Variants in EML6 observed in about 807,000 individuals in gnomAD.
The protein encoded by EML6 is EMAP like 6.
In EML6, 154 loss-of-function variants were observed where a neutral mutation model predicts 240.1. The ratio of observed to expected loss-of-function variants is 0.64; its 90% CI spans 0.56 to 0.73. EML6 has a LOEUF of 0.73. EML6 is among the 30% of genes least tolerant of loss of function. The pLI is 0.00. For missense variants in EML6, 2,964 were observed against 2,474.6 expected (o/e 1.20, Z -4.20); for synonymous variants, 1,148 against 899.0 (o/e 1.28, Z -4.95).
At chr2:54,827,957 TATTA>T (rs965180689) in intron 6 of EML6, among the ~76,000 whole-genome samples, 19 of 152,328 alleles carry the variant, frequency 1.2e-4, no homozygotes, top group African/African-American at 4.3e-4. Context: ...TCACCTTAAC[TATTA>T]ATTGCTTGAT....
chr2:54,841,932 G>C (rs1030180702), intron 7 of EML6, among the ~76,000 whole-genome samples: 1 of 151,812 alleles, frequency 6.6e-6, no homozygotes, highest in Non-Finnish European at 1.5e-5. Context: ...GGACAGTTTA[G>C]GTTCAGAACA....
Position 54,895,319 on chromosome 2 carries a change from A to T in EML6, c.2901A>T (p.Gly967=). The change falls in exon 21 of 42, where the codon GGA becomes GGT. Residue 967 remains glycine (G), a synonymous_variant. Coordinates refer to ENST00000356458, the MANE Select transcript of EML6 (RefSeq NM_001039753.4). ...CTTCAATTCGTGCCATCACTTTGGG[A>T]CATGGACATATCCTGGTGGGAACAA... ...DNPSIRAITL[G]HGHILVGTKN... is the part of the protein sequence containing the mutation. The T allele has an allele frequency of 1.3e-6, 2 of 1,551,922 alleles. No homozygotes were observed. Among genetic ancestry groups the T allele is most frequent in the African/African-American group, 1.4e-5 (1 of 73,158 alleles).
At chr2:54,806,570 G>A (rs886707912) in intron 2 of EML6, among the ~76,000 whole-genome samples, 10 of 126,314 alleles carry the variant, frequency 7.9e-5, no homozygotes, top group Non-Finnish European at 1.1e-4. Context: ...CTGAGATCAC[G>A]CCCTTGCACT....
intron 24 of EML6, among the ~76,000 whole-genome samples, chr2:54,904,578 T>C (rs1673220443): frequency 6.6e-6 from 1 of 152,016 alleles, no homozygotes; most frequent in East Asian, 1.9e-4. Flanking sequence ...GAATATGGCA[T>C]ATGAAGAGTG....
intron 2 of EML6, among the ~76,000 whole-genome samples, chr2:54,772,292 T>C (rs1031145929): frequency 2.0e-5 from 3 of 152,222 alleles, no homozygotes; most frequent in South Asian, 4.2e-4. Flanking sequence ...ACTTGGTTAG[T>C]GGTGTGAGAG....
chr2:54,750,377 C>T (rs932041536), intron 2 of EML6, among the ~76,000 whole-genome samples: 4 of 152,204 alleles, frequency 2.6e-5, no homozygotes, highest in Non-Finnish European at 4.4e-5. Context: ...CCATAAAGAG[C>T]TGGTGTGAGC....
chr2:54,917,358 G>GC (rs1673973021), intron 26 of EML6, among the ~76,000 whole-genome samples: 1 of 123,820 alleles, frequency 8.1e-6, no homozygotes, highest in Non-Finnish European at 1.6e-5. Flanking sequence ...TTTTTTTTTT[G>GC]TTTTTTTTTT....
At chr2:54,938,353 CTA>C (rs1487986320) in intron 28 of EML6, among the ~76,000 whole-genome samples, 1 of 152,094 alleles carries the variant, frequency 6.6e-6, no homozygotes, top group Non-Finnish European at 1.5e-5. Flanking sequence ...ATGCAGAAAG[CTA>C]TAGATACAGT....
chr2:54,901,766 A>G (rs1345481775), intron 22 of EML6, among the ~76,000 whole-genome samples: 3 of 152,366 alleles, frequency 2.0e-5, no homozygotes, highest in South Asian at 2.1e-4. Context: ...GAGGCTCGGT[A>G]TTAAATGCCC....
chr2:54,942,610 C>G (rs114635172), intron 28 of EML6, among the ~76,000 whole-genome samples: 18 of 152,102 alleles, frequency 1.2e-4, no homozygotes, highest in Non-Finnish European at 2.1e-4. Context: ...GACTCCCTCT[C>G]GCTCATTTGA....
At chr2:54,930,718 G>A (rs1674809425) in intron 28 of EML6, among the ~76,000 whole-genome samples, 1 of 152,098 alleles carries the variant, frequency 6.6e-6, no homozygotes, top group South Asian at 2.1e-4. Context: ...AGCCTTGACA[G>A]CCTCAATTCC....
chr2:54,819,267 G>C (rs1300903648), intron 4 of EML6, among the ~76,000 whole-genome samples: 1 of 152,126 alleles, frequency 6.6e-6, no homozygotes, highest in African/African-American at 2.4e-5. Context: ...GCGTTCCATG[G>C]ATCTACCTCC....
chr2:54,946,244 C>T (rs1443894684), intron 28 of EML6, among the ~76,000 whole-genome samples: 1 of 152,168 alleles, frequency 6.6e-6, no homozygotes, highest in Non-Finnish European at 1.5e-5. Flanking sequence ...CCCCACCAGG[C>T]CCCTTTGTGT....
intron 15 of EML6, among the ~76,000 whole-genome samples, chr2:54,870,092 C>G (rs1402459070): frequency 6.6e-6 from 1 of 152,124 alleles, no homozygotes; most frequent in African/African-American, 2.4e-5. Flanking sequence ...GCAGATAATA[C>G]TTCAACTGGT....
intron 2 of EML6, among the ~76,000 whole-genome samples, chr2:54,793,577 A>G (rs887404642): frequency 2.6e-5 from 4 of 152,154 alleles, no homozygotes; most frequent in Admixed American, 2.6e-4. Flanking sequence ...CAATTGTTTC[A>G]AAGGCTGTGG....
intron 23 of EML6, 53 bp downstream of exon 23, chr2:54,903,249 T>A (rs1245203362): frequency 1.3e-6 from 2 of 1,529,606 alleles, no homozygotes; most frequent in Admixed American, 4.1e-5. Flanking sequence ...GGACAAAAAA[T>A]TACAAGAATG....
intron 4 of EML6, among the ~76,000 whole-genome samples, chr2:54,817,241 G>C (rs1279608269): frequency 6.6e-6 from 1 of 152,172 alleles, no homozygotes; most frequent in African/African-American, 2.4e-5. Flanking sequence ...ATGATTACAA[G>C]GGTATGCATT....
chr2:54,731,955 C>G (rs6740110), intron 2 of EML6, among the ~76,000 whole-genome samples: 28,431 of 152,124 alleles, frequency 0.19, 2,678 homozygotes, highest in African/African-American at 0.22. Flanking sequence ...TCCTCCACAT[C>G]GTCAAGATTT....
intron 2 of EML6, among the ~76,000 whole-genome samples, chr2:54,767,766 T>C (rs1312841486): frequency 2.0e-5 from 3 of 152,052 alleles, no homozygotes; most frequent in Non-Finnish European, 4.4e-5. Flanking sequence ...TCTTGCTGCA[T>C]GCTCCACCAT....
Sources: gnomAD v4.1 joint callset for allele counts (sites outside exome capture counted in the v4.1 genomes callset) on GRCh38, gnomAD v4.1.1 for gene constraint, MANE v1.5 for transcripts, NCBI Gene and HGNC (gene_info 2026-07-23, HGNC 2026-07-21) for gene names.